Variants in SYT14 observed in about 807,000 individuals in gnomAD.
SYT14 encodes the protein synaptotagmin-14.
A neutral mutation model predicts 74.2 loss-of-function variants in SYT14; 32 were observed. That is an observed-to-expected ratio of 0.43 (90% CI 0.33 to 0.58). SYT14 has a LOEUF of 0.58. Among genes scored for constraint, SYT14 ranks in the 20% least tolerant of loss-of-function variants. The pLI, the probability that SYT14 is intolerant of heterozygous loss-of-function variation, is 0.05. For synonymous variants in SYT14, 298 were observed against 337.7 expected (o/e 0.88, Z 1.29); for missense variants, 791 against 981.8 (o/e 0.81, Z 2.60).
chr1:210,034,957 A>G (rs1437764175), intron 5 of SYT14, among the ~76,000 whole-genome samples: 1 of 151,818 alleles, frequency 6.6e-6, no homozygotes, highest in Non-Finnish European at 1.5e-5. Context: ...ATCTTTTTTG[A>G]TATAATGATT....
At chr1:210,139,572 G>T (rs1044628126) in intron 7 of SYT14, among the ~76,000 whole-genome samples, 10 of 151,930 alleles carry the variant, frequency 6.6e-5, no homozygotes, top group Non-Finnish European at 1.3e-4. Flanking sequence ...TCACATAGTT[G>T]TGCAGCCATC....
intron 5 of SYT14, among the ~76,000 whole-genome samples, chr1:210,078,158 A>T (rs1277104946): frequency 6.6e-6 from 1 of 151,712 alleles, no homozygotes; most frequent in Non-Finnish European, 1.5e-5. Context: ...AAAATACAAA[A>T]AATTAGCCGG....
At chr1:210,110,894 G>A (rs544502767) in intron 7 of SYT14, among the ~76,000 whole-genome samples, 20 of 152,162 alleles carry the variant, frequency 1.3e-4, no homozygotes, top group Admixed American at 2.6e-4. Flanking sequence ...ACAGGCATGC[G>A]CCACCACACC....
intron 2 of SYT14, among the ~76,000 whole-genome samples, chr1:209,978,681 G>A (rs527552291): frequency 6.6e-5 from 10 of 152,312 alleles, no homozygotes; most frequent in Admixed American, 3.9e-4. Flanking sequence ...CAGTCTGTCC[G>A]TTCTCAGATC....
intron 2 of SYT14, among the ~76,000 whole-genome samples, chr1:210,000,935 TG>T (rs2079889999): frequency 6.6e-6 from 1 of 152,138 alleles, no homozygotes; most frequent in African/African-American, 2.4e-5. Context: ...TTCATCCTTT[TG>T]TGATTAAAAA....
Position 210,128,113 on chromosome 1 carries a change from C to T in SYT14, c.2035-27608C>T, listed in dbSNP as rs146920790. Among the ~76,000 whole-genome samples, 297 of 152,274 alleles carry T rather than the reference C, an allele frequency of 2.0e-3. 2 individuals carry two copies. The highest frequency in any genetic ancestry group is 6.5e-3 in the African/African-American group (268 of 41,544). On this transcript the variant is annotated intron_variant, in intron 7 of 9. Coordinates refer to ENST00000637265, the Ensembl canonical transcript of SYT14. Reference sequence around the variant, plus strand: ...TAAGGCCAGGTATGGTGGCTCACGCCTGTAATCCCAGCACTTTGGAAGGCT... The same window carrying T: ...TAAGGCCAGGTATGGTGGCTCACGCTTGTAATCCCAGCACTTTGGAAGGCT...
At chr1:210,161,990 G>T in exon 10 of SYT14, 2 of 453,736 alleles carry the variant, frequency 4.4e-6, no homozygotes, top group South Asian at 3.1e-5. Context: ...TTAATTTTCT[G>T]CTCTGAGTAT....
intron 5 of SYT14, among the ~76,000 whole-genome samples, chr1:210,050,249 G>A (rs928379064): frequency 2.6e-5 from 4 of 152,098 alleles, no homozygotes; most frequent in Non-Finnish European, 5.9e-5. Context: ...AAATCTCTGG[G>A]GCAGGGGCAA....
At chr1:210,142,113 CTG>C (rs1461211410) in intron 7 of SYT14, among the ~76,000 whole-genome samples, 1 of 152,146 alleles carries the variant, frequency 6.6e-6, no homozygotes, top group South Asian at 2.1e-4. Flanking sequence ...TTTCACAGAA[CTG>C]TGAGACAAGT....
At chr1:209,987,924 T>C (rs1312888315) in intron 2 of SYT14, among the ~76,000 whole-genome samples, 1 of 152,206 alleles carries the variant, frequency 6.6e-6, no homozygotes, top group Non-Finnish European at 1.5e-5. Flanking sequence ...TTGAATATAA[T>C]GTTCCTTTGT....
chr1:210,019,805 G>A (rs1472140352), intron 4 of SYT14, among the ~76,000 whole-genome samples: 2 of 152,124 alleles, frequency 1.3e-5, no homozygotes, highest in Admixed American at 1.3e-4. Context: ...TTTAACTACT[G>A]TAGTCTCTTC....
intron 7 of SYT14, among the ~76,000 whole-genome samples, chr1:210,141,376 T>C (rs909893232): frequency 2.6e-5 from 4 of 152,218 alleles, no homozygotes; most frequent in African/African-American, 9.6e-5. Context: ...TTTTCATATA[T>C]TGATCACAAA....
At position 210,111,579 on chromosome 1, in the gene SYT14, C is replaced by T. The variant is rs377541618; in HGVS notation, c.2034+11118C>T. On this transcript the variant is annotated intron_variant, in intron 7 of 9. Coordinates refer to ENST00000637265, the Ensembl canonical transcript of SYT14. ...GGGCTGCTTCGAGCGGGATTAGGTT[C>T]GGCATGGGAACCTAGAGTAGGAGAG... is the stretch of plus-strand genomic sequence containing the variant. 4.0e-5 allele frequency among the ~76,000 whole-genome samples: 6 copies of T among 151,018 alleles called. No individual in the cohort carries two copies. The South Asian group carries it at 8.3e-4, about 21-fold the overall frequency.
intron 5 of SYT14, among the ~76,000 whole-genome samples, chr1:210,056,675 A>AAAAAAAAAAAAAAAAAG (rs2081103794): frequency 6.8e-6 from 1 of 147,518 alleles, no homozygotes; most frequent in Non-Finnish European, 1.5e-5. Context: ...AAAAAAAAAA[A>AAAAAAAAAAAAAAAAAG]ATTAGCCGGG....
chr1:210,049,007 A>G (rs867805405), intron 5 of SYT14, among the ~76,000 whole-genome samples: 4 of 152,326 alleles, frequency 2.6e-5, no homozygotes, highest in African/African-American at 9.6e-5. Flanking sequence ...CATGTCTCGC[A>G]TCTGGGTCAT....
intron 5 of SYT14, among the ~76,000 whole-genome samples, chr1:210,044,970 A>G (rs1167229720): frequency 6.6e-6 from 1 of 152,176 alleles, no homozygotes; most frequent in African/African-American, 2.4e-5. Flanking sequence ...ATCTGTCCTT[A>G]TGATCCAGTC....
At chr1:210,085,216 T>G (rs1008627822) in intron 5 of SYT14, among the ~76,000 whole-genome samples, 5 of 152,258 alleles carry the variant, frequency 3.3e-5, no homozygotes, top group African/African-American at 1.2e-4. Flanking sequence ...GAAATTCATT[T>G]TTTAAAATAT....
rs189238989 is a variant in SYT14 at position 209,948,651 on chromosome 1, A to T, written c.-533-4058A>T. 1.8e-4 allele frequency among the ~76,000 whole-genome samples: 28 copies of T among 152,350 alleles called. No individual in the cohort carries two copies. The East Asian group carries it at 3.3e-3, about 18-fold the overall frequency. On this transcript the variant is annotated intron_variant, in intron 1 of 9. Coordinates refer to ENST00000637265, the Ensembl canonical transcript of SYT14. ...CTTTCATAAAAATGAGGAAAAATCA[A>T]TATTTACTTTCCAAAATACATTAAA...
intron 5 of SYT14, among the ~76,000 whole-genome samples, chr1:210,030,721 T>C (rs2080512760): frequency 6.6e-6 from 1 of 152,088 alleles, no homozygotes; most frequent in Non-Finnish European, 1.5e-5. Context: ...GTGAGGAGTG[T>C]TTTAGGAAAG....
Sources: allele counts gnomAD v4.1 joint callset (sites outside exome capture counted in the v4.1 genomes callset), GRCh38; gene constraint gnomAD v4.1.1; transcripts MANE v1.5; gene names NCBI Gene and HGNC (gene_info 2026-07-23, HGNC 2026-07-21).